ZRANB3: variants seen among roughly 807,000 people sequenced by gnomAD.
The protein encoded by ZRANB3 is DNA annealing helicase and endonuclease ZRANB3.
In ZRANB3, 125 loss-of-function variants were observed where a neutral mutation model predicts 133.8. The ratio of observed to expected loss-of-function variants is 0.93; its 90% confidence interval spans 0.81 to 1.08. ZRANB3 has a LOEUF of 1.08. ZRANB3 is among the 50% of genes least tolerant of loss of function. The pLI, the probability that ZRANB3 is intolerant of heterozygous loss-of-function variation, is 0.00. For synonymous variants in ZRANB3, 387 were observed against 432.7 expected (o/e 0.89, Z 1.31); for missense variants, 1,229 against 1,275.5 (o/e 0.96, Z 0.56).
chr2:135,517,424 T>G (rs984943178), intron 1 of ZRANB3, among the ~76,000 whole-genome samples: 11 of 152,184 alleles, frequency 7.2e-5, no homozygotes, highest in Non-Finnish European at 1.6e-4. Flanking sequence ...ACCTTTGGTC[T>G]TTGATGTTGG....
chr2:135,420,156 C>T (rs116583392), intron 2 of ZRANB3, among the ~76,000 whole-genome samples: 1 of 141,238 alleles, frequency 7.1e-6, no homozygotes, highest in Admixed American at 7.5e-5. Flanking sequence ...GAAGGCTACA[C>T]AACAAATTAG....
At chr2:135,497,746 A>G (rs929411722) in intron 2 of ZRANB3, among the ~76,000 whole-genome samples, 1 of 152,204 alleles carries the variant, frequency 6.6e-6, no homozygotes, top group Non-Finnish European at 1.5e-5. Context: ...CATATGTAAA[A>G]ATAAATTTAA....
chr2:135,464,653 TG>T (rs1690905687), intron 2 of ZRANB3, among the ~76,000 whole-genome samples: 2 of 152,316 alleles, frequency 1.3e-5, no homozygotes, highest in African/African-American at 4.8e-5. Flanking sequence ...CATCGGTATC[TG>T]TTACCTGCCT....
chr2:135,495,138 G>A (rs998954475), intron 2 of ZRANB3, among the ~76,000 whole-genome samples: 1 of 152,044 alleles, frequency 6.6e-6, no homozygotes, highest in Non-Finnish European at 1.5e-5. Context: ...TGAGGTCAGA[G>A]GATCACTTAG....
intron 11 of ZRANB3, among the ~76,000 whole-genome samples, chr2:135,266,009 G>A (rs1217597118): frequency 6.6e-6 from 1 of 152,060 alleles, no homozygotes; most frequent in Admixed American, 6.6e-5. Flanking sequence ...AGGAGTTTGA[G>A]ACCAGCCTGC....
intron 3 of ZRANB3, chr2:135,355,257 T>C (rs1685377485): frequency 2.4e-5 from 24 of 985,308 alleles, no homozygotes; most frequent in South Asian, 4.7e-5. Flanking sequence ...TATGTTTCCG[T>C]GTCTTCAAAG....
intron 12 of ZRANB3, among the ~76,000 whole-genome samples, chr2:135,264,947 C>A (rs1363168325): frequency 6.6e-6 from 1 of 152,038 alleles, no homozygotes; most frequent in Non-Finnish European, 1.5e-5. Context: ...CAGGGTTTCA[C>A]GATGTTGACT....
chr2:135,360,575 A>G (rs531970083), intron 3 of ZRANB3, among the ~76,000 whole-genome samples: 61 of 140,050 alleles, frequency 4.4e-4, no homozygotes, highest in Admixed American at 2.4e-3. Flanking sequence ...CGTGGTGGTG[A>G]GCACCTGTAG....
At chr2:135,317,778 C>A (rs1401483357) in intron 6 of ZRANB3, among the ~76,000 whole-genome samples, 1 of 152,168 alleles carries the variant, frequency 6.6e-6, no homozygotes, top group East Asian at 1.9e-4. Flanking sequence ...TCTTATGCCA[C>A]TAGTTGATCC....
rs769155332 is a variant in ZRANB3 at position 135,230,504 on chromosome 2, T to C, written c.1954+9A>G. 6.6e-7 allele frequency: 1 copy of C among 1,512,650 alleles called. No homozygotes were observed. Among genetic ancestry groups the C allele is most frequent in the Non-Finnish European group, 8.8e-7 (1 of 1,134,498 alleles). 93.7% of individuals were successfully genotyped at this position (1,512,650 alleles called of 1,614,324 possible). Reference sequence around the variant, plus strand: ...CCCTTACCTCCATGGTCACCTTCTATATACTCACCAGCACTGCCTTGAGGA... The same window carrying C: ...CCCTTACCTCCATGGTCACCTTCTACATACTCACCAGCACTGCCTTGAGGA... On this transcript the variant is annotated intron_variant, in intron 13 of 20. Coordinates refer to ENST00000264159, the MANE Select transcript of ZRANB3 (RefSeq NM_032143.4).
chr2:135,215,095 T>G (rs1048155554), intron 17 of ZRANB3, among the ~76,000 whole-genome samples: 1 of 150,742 alleles, frequency 6.6e-6, no homozygotes, highest in African/African-American at 2.4e-5. Flanking sequence ...TTTTTTGGGG[T>G]TTTGTGGAGA....
intron 3 of ZRANB3, among the ~76,000 whole-genome samples, chr2:135,382,109 A>C (rs187613801): frequency 2.0e-5 from 3 of 152,288 alleles, no homozygotes; most frequent in Admixed American, 1.3e-4. Context: ...AGATTAGACG[A>C]AGGGCTAACT....
chr2:135,231,026 C>T (rs1411085156), intron 12 of ZRANB3, 99 bp from the exon 13 acceptor site: 2 of 1,152,582 alleles, frequency 1.7e-6, no homozygotes, highest in Non-Finnish European at 2.3e-6. Context: ...ACCATATTGC[C>T]TTATCCTTTA....
At chr2:135,480,593 C>T (rs1040725084) in intron 2 of ZRANB3, among the ~76,000 whole-genome samples, 2 of 151,808 alleles carry the variant, frequency 1.3e-5, no homozygotes, top group Admixed American at 6.6e-5. Context: ...TTAAATACTA[C>T]AAAGGTTTTT....
intron 2 of ZRANB3, among the ~76,000 whole-genome samples, chr2:135,494,442 A>T (rs1692575140): frequency 6.6e-6 from 1 of 152,190 alleles, no homozygotes; most frequent in African/African-American, 2.4e-5. Context: ...GCCAATTAAT[A>T]AATCATTTTA....
intron 2 of ZRANB3, among the ~76,000 whole-genome samples, chr2:135,406,918 G>C (rs1385786268): frequency 6.6e-6 from 1 of 152,130 alleles, no homozygotes; most frequent in African/African-American, 2.4e-5. Flanking sequence ...GCACAAGACA[G>C]GGATGCCCTC....
chr2:135,292,382 C>T (rs577235591), intron 8 of ZRANB3, among the ~76,000 whole-genome samples: 4 of 152,286 alleles, frequency 2.6e-5, no homozygotes, highest in Admixed American at 2.6e-4. Flanking sequence ...CTTTTGGCTG[C>T]ATAAATGTCT....
At chr2:135,472,991 T>C (rs565151331) in intron 2 of ZRANB3, among the ~76,000 whole-genome samples, 10 of 152,334 alleles carry the variant, frequency 6.6e-5, no homozygotes, top group African/African-American at 2.4e-4. Context: ...CCTAAGAAAG[T>C]GGACCATTCA....
At chr2:135,446,743 G>T (rs1690038985) in intron 2 of ZRANB3, among the ~76,000 whole-genome samples, 2 of 152,216 alleles carry the variant, frequency 1.3e-5, no homozygotes, top group South Asian at 4.1e-4. Context: ...TATCAGGAGA[G>T]TGAGAGACTG....
Sources: allele counts gnomAD v4.1 joint callset (sites outside exome capture counted in the v4.1 genomes callset), GRCh38; gene constraint gnomAD v4.1.1; transcripts MANE v1.5; gene names NCBI Gene and HGNC (gene_info 2026-07-23, HGNC 2026-07-21).